Variants in HVCN1 observed in about 807,000 individuals in gnomAD.
HVCN1 encodes voltage-gated hydrogen channel 1.
In HVCN1, 14 loss-of-function variants were observed where a neutral mutation model predicts 29.2. That is an observed-to-expected ratio of 0.48 (90% CI 0.32 to 0.75). The LOEUF (loss-of-function observed/expected upper bound fraction) is 0.75, where lower values mean the gene tolerates loss of function less well. Ranked by LOEUF, HVCN1 falls within the 30% of genes least tolerant of loss-of-function variation. The pLI, the probability that HVCN1 is intolerant of heterozygous loss-of-function variation, is 0.04. For missense variants in HVCN1, 263 were observed against 341.8 expected, an observed-to-expected ratio of 0.77 and a Z score of 1.82; for synonymous variants, 131 against 133.2, an observed-to-expected ratio of 0.98 and a Z score of 0.11.
chr12:110,662,123 A>C (rs2068195551), intron 3 of HVCN1, among the ~76,000 whole-genome samples: 1 of 152,122 alleles, frequency 6.6e-6, no homozygotes, highest in South Asian at 2.1e-4. Flanking sequence ...GAGAGAGCCC[A>C]ATGGAAGAGA....
rs2068745513 is a variant in HVCN1 at position 110,676,166 on chromosome 12, T to G, written c.21+7059A>C. 6.6e-6 allele frequency among the ~76,000 whole-genome samples: 1 copy of G among 152,166 alleles called. No homozygotes were observed. Among genetic ancestry groups the G allele is most frequent in the Admixed American group, 6.5e-5 (1 of 15,280 alleles). ...CTATAGCCCTGTCCAGCATTAAGCC[T>G]GGTGCATTTCAGCAACTAAATGACC... On this transcript the variant is annotated intron_variant, in intron 3 of 7. Coordinates refer to ENST00000242607, the MANE Select transcript of HVCN1 (RefSeq NM_032369.4). This position sits in a 1 kb window ranked among gnomAD's most constrained non-coding sequence, Gnocchi z 4.1.
At chr12:110,672,720 A>G (rs942887617) in intron 3 of HVCN1, among the ~76,000 whole-genome samples, 3 of 152,128 alleles carry the variant, frequency 2.0e-5, no homozygotes, top group African/African-American at 7.2e-5. Flanking sequence ...TAACTGAAAC[A>G]TGGGGGCCAA....
At chr12:110,673,735 C>T (rs1038668124) in intron 3 of HVCN1, among the ~76,000 whole-genome samples, 3 of 152,150 alleles carry the variant, frequency 2.0e-5, no homozygotes, top group South Asian at 2.1e-4. Flanking sequence ...GCAGCTTCCA[C>T]GTGGTGTTGA....
intron 3 of HVCN1, among the ~76,000 whole-genome samples, chr12:110,678,785 A>T (rs2068843880): frequency 6.6e-6 from 1 of 151,966 alleles, no homozygotes; most frequent in Non-Finnish European, 1.5e-5. Context: ...ACTGTAGCCC[A>T]CTCAATGGAT....
Position 110,675,530 on chromosome 12 carries a change from C to T in HVCN1, c.21+7695G>A, listed in dbSNP as rs376990616. ...TAAAGCCAGCACAGGAACTCAAGTCCGCTAGCTTTGTTCTTTTCTCTGCCA... is the reference window on the plus strand; with the variant it reads ...TAAAGCCAGCACAGGAACTCAAGTCTGCTAGCTTTGTTCTTTTCTCTGCCA... On this transcript the variant is annotated intron_variant, in intron 3 of 7. Transcript: ENST00000242607. Among the ~76,000 whole-genome samples the T allele has an allele frequency of 1.8e-4, 28 of 152,120 alleles. 1 individual carries two copies. Among genetic ancestry groups the T allele is most frequent in the South Asian group, 6.2e-4 (3 of 4,804 alleles).
chr12:110,700,240 G>T (rs2069550487), intron 2 of HVCN1, among the ~76,000 whole-genome samples: 1 of 152,222 alleles, frequency 6.6e-6, no homozygotes, highest in East Asian at 1.9e-4. Flanking sequence ...GCCAGTTATG[G>T]TACAGATAAG....
chr12:110,681,329 G>A (rs2068962090), intron 3 of HVCN1, among the ~76,000 whole-genome samples: 1 of 152,134 alleles, frequency 6.6e-6, no homozygotes, highest in Admixed American at 6.5e-5. Context: ...TTTCCCATAA[G>A]TGAGATGACC....
rs781699201 is a variant in HVCN1, at chr12:110,651,466, CCA to C, written c.412-20_412-19del. Reference sequence around the variant, plus strand: ...TGGAATACCTGAAGGGGACAAGGAACCACAGTCAGGGGAGATTGGGCCTCTGG... The same window carrying C: ...TGGAATACCTGAAGGGGACAAGGAACCAGTCAGGGGAGATTGGGCCTCTGG... On this transcript the variant is annotated intron_variant, in intron 5 of 7. Coordinates refer to ENST00000242607, the MANE Select transcript of HVCN1 (RefSeq NM_032369.4). 1.9e-6 allele frequency: 3 copies of C among 1,561,872 alleles called. No homozygotes were observed. The African/African-American group carries it at 4.1e-5, about 21-fold the overall frequency.
At chr12:110,704,617 C>T (rs1178436282) in intron 1 of HVCN1, among the ~76,000 whole-genome samples, 1 of 152,146 alleles carries the variant, frequency 6.6e-6, no homozygotes, top group African/African-American at 2.4e-5. Flanking sequence ...ATGATTGTGC[C>T]ACTGCACTAT....
chr12:110,703,678 C>T (rs2069582989), intron 1 of HVCN1, among the ~76,000 whole-genome samples: 2 of 151,414 alleles, frequency 1.3e-5, no homozygotes. Flanking sequence ...TTATTTATTT[C>T]CCCCCGCCTC....
chr12:110,672,934 C>T (rs544771953), intron 3 of HVCN1, among the ~76,000 whole-genome samples: 12 of 152,304 alleles, frequency 7.9e-5, no homozygotes, highest in South Asian at 6.2e-4. Flanking sequence ...GTCTCAGGTG[C>T]GTCTTTATCA....
At chr12:110,675,464 A>G (rs1403261343) in intron 3 of HVCN1, among the ~76,000 whole-genome samples, 1 of 152,206 alleles carries the variant, frequency 6.6e-6, no homozygotes, top group Admixed American at 6.5e-5. Flanking sequence ...ATCTCAAAAG[A>G]AACAGAAAAC....
chr12:110,651,539 G>A (rs961283581), intron 5 of HVCN1, 91 bp from the exon 6 acceptor site: 1 of 802,582 alleles, frequency 1.2e-6, no homozygotes, highest in Non-Finnish European at 2.1e-6. Context: ...ACCAGCAAGA[G>A]AATTCCTCTG....
At chr12:110,699,483 C>T (rs1443106692) in intron 2 of HVCN1, among the ~76,000 whole-genome samples, 6 of 152,028 alleles carry the variant, frequency 3.9e-5, no homozygotes, top group Admixed American at 6.6e-5. Flanking sequence ...CCAGCCGTCT[C>T]CTGTTTGCTC....
At chr12:110,654,868 C>G (rs1345689383) in intron 5 of HVCN1, among the ~76,000 whole-genome samples, 2 of 152,054 alleles carry the variant, frequency 1.3e-5, no homozygotes, top group Non-Finnish European at 2.9e-5. Flanking sequence ...GGGATGGGCT[C>G]AGTAACTGAA....
In HVCN1 at chr12:110,648,996, T is replaced by C. The variant is rs2067642538; in HGVS notation, c.*414A>G. The C allele has an allele frequency of 2.2e-6, 1 of 455,882 alleles. No individual in the cohort carries two copies. Among genetic ancestry groups the C allele is most frequent in the Admixed American group, 2.6e-5 (1 of 38,598 alleles). 28.2% of individuals were successfully genotyped at this position (455,882 alleles called of 1,614,324 possible). The stretch of plus-strand genomic sequence containing the variant: ...GAACAGCTTGAAAATAAGAGACTTT[T>C]CTAGAATGGGGTGGCAGCTAAAGTA... On this transcript the variant is annotated 3_prime_UTR_variant, in exon 8 of 8. Coordinates refer to ENST00000242607, the MANE Select transcript of HVCN1 (RefSeq NM_032369.4).
intron 2 of HVCN1, among the ~76,000 whole-genome samples, chr12:110,683,937 AAGAG>A (rs1555238089): frequency 1.3e-5 from 2 of 151,682 alleles, no homozygotes; most frequent in East Asian, 1.9e-4. Flanking sequence ...GAAAAAAAAA[AAGAG>A]AGAGAAATAA....
At chr12:110,649,646 G>A (rs562824031) in intron 7 of HVCN1, among the ~76,000 whole-genome samples, 171 bp from the exon 8 acceptor site, 1 of 152,262 alleles carries the variant, frequency 6.6e-6, no homozygotes, top group South Asian at 2.1e-4. Context: ...GCTTCACTGA[G>A]CAGCAGTGAC....
chr12:110,651,378 A>G lies in HVCN1; in HGVS notation c.482T>C (p.Phe161Ser). 1 of 1,613,982 alleles carries G rather than the reference A, an allele frequency of 6.2e-7. No homozygotes were observed. The highest frequency in any genetic ancestry group is 8.5e-7 in the Non-Finnish European group (1 of 1,179,904). The part of the protein sequence containing the change: ...MMEIIFKLFV[F>S]RLEFFHHKFE... ...CTTGTGGTGAAAGAACTCCAGGCGG[A>G]AGACAAATAATTTAAAGATGATCTC... is the stretch of plus-strand genomic sequence containing the variant. The change falls in exon 6 of 8, where the codon TTC becomes TCC. Residue 161 changes from phenylalanine to serine, a missense_variant. Physicochemically the swap from Phe to Ser is radical, Grantham distance 155. Around this residue, in one of 3 missense-constraint regions of HVCN1, gnomAD observed 55 missense variants for 109.4 expected, o/e 0.50. Coordinates refer to ENST00000242607, the MANE Select transcript of HVCN1 (RefSeq NM_032369.4).
Sources: gnomAD v4.1 joint callset for allele counts (sites outside exome capture counted in the v4.1 genomes callset) on GRCh38, gnomAD v4.1.1 for gene constraint, gnomAD v4.1.1 regional missense constraint, Gnocchi (gnomAD v3.1) non-coding constraint, MANE v1.5 for transcripts, NCBI Gene and HGNC (gene_info 2026-07-23, HGNC 2026-07-21) for gene names.